The following IL26 variants were observed in gnomAD, a reference collection of about 807,000 sequenced individuals.
The protein encoded by IL26 is interleukin 26, also known as interleukin-26.
In IL26, 23 loss-of-function variants were observed where a neutral mutation model predicts 21.7. That is an observed-to-expected ratio of 1.06 (90% CI 0.76 to 1.50). The LOEUF (loss-of-function observed/expected upper bound fraction) is 1.50, where lower values mean the gene tolerates loss of function less well. Ranked by LOEUF, IL26 falls within the 40% of genes most tolerant of loss-of-function variation. IL26 has a pLI of 0.00. For synonymous variants in IL26, 63 were observed against 67.8 expected (o/e 0.93, Z 0.34); for missense variants, 204 against 196.0 (o/e 1.04, Z -0.24).
intron 3 of IL26, among the ~76,000 whole-genome samples, chr12:68,221,238 G>T (rs1308384344): frequency 6.6e-6 from 1 of 152,132 alleles, no homozygotes; most frequent in Non-Finnish European, 1.5e-5. Flanking sequence ...TTTGGCAATT[G>T]TTCTGGAGCA....
rs6144754 is a variant in IL26 at position 68,204,141 on chromosome 12, A to ATTTTTTTTTTTTTTTTTTTT, written c.364-2078_364-2059dup. Among the ~76,000 whole-genome samples, 91 of 113,176 alleles carry ATTTTTTTTTTTTTTTTTTTT rather than the reference A, an allele frequency of 8.0e-4. 1 individual carries two copies. The highest frequency in any genetic ancestry group is 1.7e-3 in the African/African-American group (49 of 28,824). The allele number at this position is 113,176 out of a possible 152,430, so 74.2% of individuals were successfully genotyped here. A position where few individuals can be genotyped will look rare whatever the true frequency, so the allele number is the denominator to read the frequency against. On this transcript the variant is annotated intron_variant, in intron 3 of 4. Coordinates refer to ENST00000229134, the MANE Select transcript of IL26 (RefSeq NM_018402.2). ...TAAAATCATGTGTTAGGATTCAAAG[A>ATTTTTTTTTTTTTTTTTTTT]TTTTTTTTTTTTTTTTTTTTGAGGC... is the stretch of plus-strand genomic sequence containing the variant.
chr12:68,224,632 AGAAAG>A (rs1869178970), intron 3 of IL26, among the ~76,000 whole-genome samples: 1 of 148,082 alleles, frequency 6.8e-6, no homozygotes, highest in African/African-American at 2.5e-5. Context: ...AAGGAAGTAA[AGAAAG>A]AAGGAAGGAA....
At chr12:68,205,058 G>C (rs914543001) in intron 3 of IL26, among the ~76,000 whole-genome samples, 6 of 152,226 alleles carry the variant, frequency 3.9e-5, no homozygotes, top group African/African-American at 1.4e-4. Context: ...ATCTGGACCA[G>C]AGGCAAATTA....
At chr12:68,222,213 G>A (rs1869072851) in intron 3 of IL26, among the ~76,000 whole-genome samples, 1 of 152,142 alleles carries the variant, frequency 6.6e-6, no homozygotes, top group Non-Finnish European at 1.5e-5. Context: ...TACCTTTAAT[G>A]TATTAAGATA....
chr12:68,215,852 A>AT (rs1018646174), intron 3 of IL26, among the ~76,000 whole-genome samples: 2 of 151,288 alleles, frequency 1.3e-5, no homozygotes, highest in South Asian at 2.1e-4. Flanking sequence ...TTTTATTTTT[A>AT]TTTTTGTTTT....
intron 3 of IL26, among the ~76,000 whole-genome samples, chr12:68,209,191 G>A (rs1868631771): frequency 1.3e-5 from 2 of 152,158 alleles, no homozygotes; most frequent in African/African-American, 4.8e-5. Flanking sequence ...GGTCGTGGGG[G>A]CAACGAAGTC....
At chr12:68,222,166 C>T (rs577432761) in intron 3 of IL26, among the ~76,000 whole-genome samples, 58 of 152,244 alleles carry the variant, frequency 3.8e-4, no homozygotes, top group African/African-American at 1.3e-3. Flanking sequence ...CATGCACAAG[C>T]TAACAATTTA....
intron 3 of IL26, among the ~76,000 whole-genome samples, chr12:68,220,777 C>G (rs562105859): frequency 2.0e-5 from 3 of 152,170 alleles, no homozygotes; most frequent in Non-Finnish European, 2.9e-5. Flanking sequence ...GCTGGGACTA[C>G]AGGCATGCGC....
At chr12:68,202,520 T>TA (rs1344467288) in intron 3 of IL26, among the ~76,000 whole-genome samples, 4 of 152,166 alleles carry the variant, frequency 2.6e-5, no homozygotes, top group African/African-American at 9.7e-5. Context: ...TCAGGAAACT[T>TA]ACAATCACGG....
Position 68,201,773 on chromosome 12 carries a change from G to GTTATAAACA in IL26, c.*63_*71dup. ...AAAAAGTTTTTAAAAGAAATAGACT[G>GTTATAAACA]TTATAAACATATTTCTAGCAGTTCT... On this transcript the variant is annotated 3_prime_UTR_variant, in exon 5 of 5. Transcript: ENST00000229134. 1 of 1,064,788 alleles carries GTTATAAACA rather than the reference G, an allele frequency of 9.4e-7. No homozygotes were observed. Among genetic ancestry groups the GTTATAAACA allele is most frequent in the Non-Finnish European group, 1.4e-6 (1 of 726,784 alleles). 66.0% of individuals were successfully genotyped at this position (1,064,788 alleles called of 1,614,324 possible).
intron 3 of IL26, among the ~76,000 whole-genome samples, chr12:68,217,918 G>A (rs1259589302): frequency 6.6e-6 from 1 of 152,132 alleles, no homozygotes. Context: ...CAAAAAGGAG[G>A]AAGAGAAGGA....
intron 3 of IL26, among the ~76,000 whole-genome samples, chr12:68,224,601 AAGAG>A (rs10560914): frequency 1.3e-5 from 2 of 150,220 alleles, no homozygotes; most frequent in African/African-American, 4.9e-5. Context: ...GAAGGAAGGA[AAGAG>A]AGAGAGAAAG....
chr12:68,201,906 G>C lies in IL26; in HGVS notation c.455C>G (p.Ala152Gly). 1 of 1,603,838 alleles carries C rather than the reference G, an allele frequency of 6.2e-7. No individual in the cohort carries two copies. Among genetic ancestry groups the C allele is most frequent in the South Asian group, 1.1e-5 (1 of 87,870 alleles). Residue 152 changes from alanine to glycine, a missense_variant, in exon 5 of 5, where the codon GCC becomes GGC. Coordinates refer to ENST00000229134, the MANE Select transcript of IL26 (RefSeq NM_018402.2). ...AAGAAGAATATCCAGTTCACTGATG[G>C]CTTTGTAGATTCCTTTGTTTCCAAT... ...YRIGNKGIYKAISELDILLSW... is the reference protein window; with the variant it reads ...YRIGNKGIYKGISELDILLSW...
At chr12:68,215,607 ACAATT>A (rs769161425) in intron 3 of IL26, among the ~76,000 whole-genome samples, 1 of 152,322 alleles carries the variant, frequency 6.6e-6, no homozygotes, top group East Asian at 1.9e-4. Flanking sequence ...TGTCAGCAAA[ACAATT>A]CAATAACATA....
intron 3 of IL26, among the ~76,000 whole-genome samples, chr12:68,202,601 A>T (rs770489839): frequency 1.3e-5 from 2 of 152,202 alleles, no homozygotes; most frequent in Non-Finnish European, 2.9e-5. Flanking sequence ...GAAGTGCCAT[A>T]CTTTTAAACC....
chr12:68,205,379 T>C (rs1868510489), intron 3 of IL26, among the ~76,000 whole-genome samples: 1 of 147,332 alleles, frequency 6.8e-6, no homozygotes, highest in Non-Finnish European at 1.5e-5. Flanking sequence ...GAAGCCTTAT[T>C]GATAACATGA....
intron 3 of IL26, among the ~76,000 whole-genome samples, chr12:68,212,911 G>A (rs998372853): frequency 6.6e-6 from 1 of 152,118 alleles, no homozygotes; most frequent in African/African-American, 2.4e-5. Context: ...GCTGTGACTA[G>A]GACTTTCAGT....
At chr12:68,212,772 T>A (rs11571028) in intron 3 of IL26, among the ~76,000 whole-genome samples, 2,964 of 152,234 alleles carry the variant, frequency 0.019, 45 homozygotes, top group South Asian at 0.052. Context: ...ATTTTTTTTA[T>A]CAGTTCTAAC....
At position 68,204,127 on chromosome 12, in the gene IL26, GTTAGGATTCAAAGATTTTTTTTTTTTTTT is replaced by G. The variant is rs1868462946; in HGVS notation, c.364-2073_364-2045del. Among the ~76,000 whole-genome samples, 5 of 138,278 alleles carry G rather than the reference GTTAGGATTCAAAGATTTTTTTTTTTTTTT, an allele frequency of 3.6e-5. 1 individual carries two copies. In the South Asian group the frequency reaches 1.1e-3, roughly 31 times the overall value. The allele number at this position is 138,278 out of a possible 152,430, so 90.7% of individuals were successfully genotyped here. On this transcript the variant is annotated intron_variant, in intron 3 of 4. Coordinates refer to ENST00000229134, the MANE Select transcript of IL26 (RefSeq NM_018402.2). ...GTTCCTCATGTTTCTAAAATCATGT[GTTAGGATTCAAAGATTTTTTTTTTTTTTT>G]TTTTTGAGGCAGAGTCTTGCTCTGT...
Sources: allele counts gnomAD v4.1 joint callset (sites outside exome capture counted in the v4.1 genomes callset), GRCh38; gene constraint gnomAD v4.1.1; transcripts MANE v1.5; gene names NCBI Gene and HGNC (gene_info 2026-07-23, HGNC 2026-07-21).